Variants in GALNT17 observed in about 807,000 individuals in gnomAD.
The protein encoded by GALNT17 is polypeptide N-acetylgalactosaminyltransferase 17.
In GALNT17, 29 loss-of-function variants were observed where a neutral mutation model predicts 63.7. The observed-to-expected ratio is 0.46, with a 90% CI of 0.34 to 0.62. The LOEUF (loss-of-function observed/expected upper bound fraction) is 0.62, where lower values mean the gene tolerates loss of function less well. Among genes scored for constraint, GALNT17 ranks in the 20% least tolerant of loss-of-function variants. GALNT17 has a pLI of 0.01. For missense variants in GALNT17, 603 were observed against 799.6 expected, an observed-to-expected ratio of 0.75 and a Z score of 2.97; for synonymous variants, 305 against 318.3, an observed-to-expected ratio of 0.96 and a Z score of 0.45.
rs185409958 is a variant in GALNT17, at chr7:71,500,150, A to G, written c.963-71135A>G. 2.6e-5 allele frequency among the ~76,000 whole-genome samples: 4 copies of G among 152,214 alleles called. No individual in the cohort carries two copies. The East Asian group carries it at 7.8e-4, about 30-fold the overall frequency. ...TGGACTAATACACTCGTCCATCCCA[A>G]TTGATTGCTTTTGCCTATAAATTTC... On this transcript the variant is annotated intron_variant, in intron 5 of 10. Transcript: ENST00000333538.
At chr7:71,400,490 A>G (rs375083332) in intron 3 of GALNT17, among the ~76,000 whole-genome samples, 75 of 152,338 alleles carry the variant, frequency 4.9e-4, no homozygotes, top group African/African-American at 1.8e-3. Flanking sequence ...TTTACATTAT[A>G]TAGTCAAATC....
chr7:71,473,421 A>T (rs1787673654), intron 5 of GALNT17, among the ~76,000 whole-genome samples: 1 of 152,216 alleles, frequency 6.6e-6, no homozygotes, highest in African/African-American at 2.4e-5. Context: ...AAGCCATTTC[A>T]AAATAAGTCA....
intron 1 of GALNT17, among the ~76,000 whole-genome samples, chr7:71,263,338 C>T (rs62457812): frequency 0.12 from 17,836 of 151,670 alleles, 1,216 homozygotes; most frequent in South Asian, 0.21. Flanking sequence ...CAGCCTTGGC[C>T]GCAGAGCGAG....
intron 1 of GALNT17, among the ~76,000 whole-genome samples, chr7:71,253,088 G>A (rs1270110096): frequency 6.6e-6 from 1 of 152,176 alleles, no homozygotes; most frequent in Non-Finnish European, 1.5e-5. Context: ...CATGTAAAAT[G>A]CAGATTCAGT....
chr7:71,585,873 C>T (rs891662769), intron 6 of GALNT17, among the ~76,000 whole-genome samples: 2 of 151,646 alleles, frequency 1.3e-5, no homozygotes, highest in African/African-American at 4.8e-5. Context: ...TTTCCTCCTC[C>T]CCACCCCACA....
At chr7:71,236,243 C>T (rs1789889120) in intron 1 of GALNT17, among the ~76,000 whole-genome samples, 1 of 151,908 alleles carries the variant, frequency 6.6e-6, no homozygotes, top group Admixed American at 6.6e-5. Flanking sequence ...CTGACAAACT[C>T]ACTTACACTG....
At position 71,415,980 on chromosome 7, in the gene GALNT17, C is replaced by T. The variant is rs751915636; in HGVS notation, c.681C>T (p.Ile227=). 1 of 1,613,858 alleles carries T rather than the reference C, an allele frequency of 6.2e-7. No homozygotes were observed. The highest frequency in any genetic ancestry group is 8.5e-7 in the Non-Finnish European group (1 of 1,179,910). The change falls in exon 4 of 11, where the codon ATC becomes ATT. Residue 227 remains isoleucine (I), a synonymous_variant. Coordinates refer to ENST00000333538, the MANE Select transcript of GALNT17 (RefSeq NM_022479.3). The stretch of plus-strand genomic sequence containing the variant: ...GAAATCAGAAGAGGGAAGGCCTGAT[C>T]CGCGCTCGCATTGAGGGCTGGAAGG... ...VVRNQKREGL[I]RARIEGWKVA... is the part of the protein sequence containing the mutation.
chr7:71,685,721 A>T (rs631926), intron 9 of GALNT17: 146,367 of 152,126 alleles, frequency 0.96, 70,665 homozygotes, highest in East Asian at 1. Context: ...GGATGACAGA[A>T]GTTGCAGCCA....
In GALNT17 at chr7:71,421,043, G is replaced by A; in HGVS notation, c.900G>A (p.Trp300Ter). The A allele has an allele frequency of 6.2e-7, 1 of 1,614,138 alleles. No homozygotes were observed. Among genetic ancestry groups the A allele is most frequent in the Non-Finnish European group, 8.5e-7 (1 of 1,180,024 alleles). Reference protein sequence around the residue: ...NSAHGYSWELWCMYISPPKDW... With the variant: ...NSAHGYSWEL The stretch of plus-strand genomic sequence containing the variant: ...CCCACGGGTACAGCTGGGAGCTGTG[G>A]TGCATGTACATCAGCCCCCCAAAAG... The change falls in exon 5 of 11, where the codon TGG (tryptophan) becomes TGA (stop). Residue 300 changes from tryptophan to a stop codon, truncating the protein, a stop_gained. Transcript: ENST00000333538. LOFTEE classifies it high-confidence loss of function.
intron 6 of GALNT17, among the ~76,000 whole-genome samples, chr7:71,614,878 G>A (rs374467587): frequency 1.5e-5 from 2 of 136,528 alleles, no homozygotes; most frequent in Non-Finnish European, 3.1e-5. Context: ...GAAACAGGGA[G>A]GGAAGGGAGG....
intron 5 of GALNT17, among the ~76,000 whole-genome samples, chr7:71,514,789 A>C (rs1299593517): frequency 6.6e-6 from 1 of 152,156 alleles, no homozygotes; most frequent in Non-Finnish European, 1.5e-5. Context: ...TGGGCAGTGA[A>C]TCATCCCTCA....
At chr7:71,493,214 A>G (rs1026740067) in intron 5 of GALNT17, among the ~76,000 whole-genome samples, 1 of 152,236 alleles carries the variant, frequency 6.6e-6, no homozygotes, top group African/African-American at 2.4e-5. Context: ...TTTTTCCTCC[A>G]GGACAGTGAG....
chr7:71,433,058 G>A (rs1320204476), intron 5 of GALNT17, among the ~76,000 whole-genome samples: 5 of 152,104 alleles, frequency 3.3e-5, no homozygotes, highest in Admixed American at 3.3e-4. Flanking sequence ...GCCCACCTTG[G>A]CCTCCCAAAG....
rs1788732888 is a variant in GALNT17 at position 71,532,240 on chromosome 7, C to A, written c.963-39045C>A. Among the ~76,000 whole-genome samples the A allele has an allele frequency of 2.6e-5, 4 of 152,196 alleles. No individual in the cohort carries two copies. The South Asian group carries it at 8.3e-4, about 32-fold the overall frequency. The stretch of plus-strand genomic sequence containing the variant: ...TGGCAGAATCTAATTTTATGGCACA[C>A]AACACCCGCATAGCTCAATCTAATC... On this transcript the variant is annotated intron_variant, in intron 5 of 10. Transcript: ENST00000333538.
At chr7:71,424,735 C>T (rs535307593) in intron 5 of GALNT17, among the ~76,000 whole-genome samples, 15 of 152,200 alleles carry the variant, frequency 9.9e-5, no homozygotes, top group Admixed American at 5.9e-4. Flanking sequence ...AATTATTAAG[C>T]GGATACAATA....
At chr7:71,247,351 A>G (rs1790117531) in intron 1 of GALNT17, among the ~76,000 whole-genome samples, 1 of 152,180 alleles carries the variant, frequency 6.6e-6, no homozygotes, top group African/African-American at 2.4e-5. Flanking sequence ...TTTGATGGCT[A>G]CAATTGTCTC....
At chr7:71,665,662 T>C (rs1372514021) in intron 7 of GALNT17, 66 bp downstream of exon 7, 1 of 1,518,334 alleles carries the variant, frequency 6.6e-7, no homozygotes, top group Non-Finnish European at 8.8e-7. Context: ...TCACTATTTA[T>C]TTAATAAACC....
intron 1 of GALNT17, among the ~76,000 whole-genome samples, chr7:71,286,537 G>C (rs1253014585): frequency 6.6e-6 from 1 of 151,512 alleles, no homozygotes; most frequent in Non-Finnish European, 1.5e-5. Context: ...ACACGCTCTG[G>C]GCTTGCCAGG....
chr7:71,672,251 A>G (rs1463051670), intron 8 of GALNT17, among the ~76,000 whole-genome samples: 3 of 152,234 alleles, frequency 2.0e-5, no homozygotes, highest in African/African-American at 7.2e-5. Context: ...AAATAAATCA[A>G]TTTAGATTCT....
Sources: gnomAD v4.1 joint callset for allele counts (sites outside exome capture counted in the v4.1 genomes callset) on GRCh38, gnomAD v4.1.1 for gene constraint, MANE v1.5 for transcripts, NCBI Gene and HGNC (gene_info 2026-07-23, HGNC 2026-07-21) for gene names.